The following MACF1 variants were observed in gnomAD, a reference collection of about 807,000 sequenced individuals.
MACF1 encodes microtubule-actin cross-linking factor 1.
In MACF1, 193 loss-of-function variants were observed where a neutral mutation model predicts 854.8. The observed-to-expected ratio is 0.23, with a 90% CI of 0.20 to 0.25. MACF1 has a LOEUF of 0.25. Ranked by LOEUF, MACF1 falls within the 10% of genes least tolerant of loss-of-function variation. The probability of loss-of-function intolerance (pLI) is 1.00; values close to 1 mark genes in which losing one functional copy is unlikely to be tolerated. For missense variants in MACF1, 7,722 were observed against 8,929.1 expected, an observed-to-expected ratio of 0.86 and a Z score of 5.45; for synonymous variants, 3,185 against 3,226.7, an observed-to-expected ratio of 0.99 and a Z score of 0.44.
Position 39,388,641 on chromosome 1 carries a change from C to T in MACF1, c.15799C>T (p.Gln5267Ter). The T allele has an allele frequency of 6.4e-7, 1 of 1,570,868 alleles. No homozygotes were observed. Among genetic ancestry groups the T allele is most frequent in the Non-Finnish European group, 8.6e-7 (1 of 1,161,692 alleles). Reference protein sequence around the residue: ...VGTEVEIINQQLADFKMFQKE... With the variant: ...VGTEVEIINQ Reference sequence around the variant, plus strand: ...GACCGAAGTGGAAATCATCAACCAACAATTAGCAGATTTTAAAGTAAGTCT... The same window carrying T: ...GACCGAAGTGGAAATCATCAACCAATAATTAGCAGATTTTAAAGTAAGTCT... The change falls in exon 58 of 101, where the codon CAA becomes TAA. Residue 5267 changes from glutamine (Q) to a stop codon, truncating the protein, a stop_gained. Transcript: ENST00000564288. LOFTEE classifies it high-confidence loss of function.
At chr1:39,371,288 A>G (rs1196870960) in intron 51 of MACF1, among the ~76,000 whole-genome samples, 1 of 146,624 alleles carries the variant, frequency 6.8e-6, no homozygotes, top group Non-Finnish European at 1.5e-5. Flanking sequence ...ACTGCACTCC[A>G]GCCTGGGTGA....
intron 58 of MACF1, among the ~76,000 whole-genome samples, chr1:39,392,684 A>G (rs1179978124): frequency 6.6e-6 from 1 of 152,202 alleles, no homozygotes; most frequent in Non-Finnish European, 1.5e-5. Flanking sequence ...GGGACTGTAC[A>G]GTCTTGCTGA....
In MACF1 at chr1:39,372,558, T is replaced by C; in HGVS notation, c.13175T>C (p.Ile4392Thr). 8 of 1,613,706 alleles carry C rather than the reference T, an allele frequency of 5.0e-6. No homozygotes were observed. Among genetic ancestry groups the C allele is most frequent in the Non-Finnish European group, 6.8e-6 (8 of 1,179,680 alleles). ...AAAGGTACTTCTTTAGAAAATCTCATCATGGAAATCACAGCACCTGATTCC... is the reference window on the plus strand; with the variant it reads ...AAAGGTACTTCTTTAGAAAATCTCACCATGGAAATCACAGCACCTGATTCC... ...NCKGTSLENL[I>T]MEITAPDSQG... The change falls in exon 52 of 101, where the codon ATC becomes ACC. Residue 4392 changes from isoleucine to threonine, a missense_variant. Around this residue, in one of 15 missense-constraint regions of MACF1, gnomAD observed 2,807 missense variants for 3,235.8 expected, o/e 0.87. Coordinates refer to ENST00000564288, the MANE Select transcript of MACF1 (RefSeq NM_001394062.1).
At chr1:39,107,461 A>G (rs374999118) in intron 2 of MACF1, among the ~76,000 whole-genome samples, 3 of 151,904 alleles carry the variant, frequency 2.0e-5, no homozygotes, top group African/African-American at 7.3e-5. Context: ...TGGTTGCCCA[A>G]AGTAAATTAC....
At position 39,318,480 on chromosome 1, in the gene MACF1, A is replaced by T. The variant is rs1172849278; in HGVS notation, c.3810A>T (p.Glu1270Asp). The T allele has an allele frequency of 2.5e-6, 4 of 1,613,986 alleles. No homozygotes were observed. The South Asian group carries it at 4.4e-5, about 18-fold the overall frequency. The change falls in exon 30 of 101, where the codon GAA (glutamate) becomes GAT (aspartate). Residue 1270 changes from glutamate (E) to aspartate (D), a missense_variant. Glu to Asp is a conservative substitution (Grantham distance 45, BLOSUM62 2). Transcript: ENST00000564288. ...IRQSELESIQ[E>D]VLGDYRACHG... Reference sequence around the variant, plus strand: ...AATCTGAGCTAGAAAGTATCCAGGAAGTTCTGGGAGATTACCGAGCCTGCC... The same window carrying T: ...AATCTGAGCTAGAAAGTATCCAGGATGTTCTGGGAGATTACCGAGCCTGCC...
At chr1:39,300,009 G>A (rs542932946) in intron 21 of MACF1, among the ~76,000 whole-genome samples, 1 of 152,314 alleles carries the variant, frequency 6.6e-6, no homozygotes, top group East Asian at 1.9e-4. Context: ...GTTTGAGTGC[G>A]AAAGCACTTG....
At chr1:39,344,269 A>G (rs1646997067) in intron 40 of MACF1, among the ~76,000 whole-genome samples, 1 of 151,734 alleles carries the variant, frequency 6.6e-6, no homozygotes, top group Non-Finnish European at 1.5e-5. Flanking sequence ...CTCTACTAAA[A>G]AAAATATATA....
At chr1:39,277,640 T>A (rs551157408) in intron 6 of MACF1, among the ~76,000 whole-genome samples, 1 of 152,336 alleles carries the variant, frequency 6.6e-6, no homozygotes, top group South Asian at 2.1e-4. Context: ...TCCACCTTTT[T>A]ACCTGGCCAA....
chr1:39,388,787 C>T, intron 58 of MACF1, 129 bp downstream of exon 58: 1 of 820,788 alleles, frequency 1.2e-6, no homozygotes, highest in East Asian at 2.9e-5. Context: ...ACCATGAAAG[C>T]ACACTGTCTG....
At chr1:39,159,842 G>T (rs1643760829) in intron 2 of MACF1, among the ~76,000 whole-genome samples, 1 of 152,144 alleles carries the variant, frequency 6.6e-6, no homozygotes. Flanking sequence ...GTGGGAGGGG[G>T]TAGAGGGAGG....
chr1:39,258,219 T>G (rs564448645), intron 6 of MACF1, among the ~76,000 whole-genome samples, 191 bp downstream of exon 6: 1 of 152,248 alleles, frequency 6.6e-6, no homozygotes, highest in South Asian at 2.1e-4. Context: ...CAAAACTTCC[T>G]AATTATTTGC....
Position 39,357,792 on chromosome 1 carries a change from G to C in MACF1, c.11842G>C (p.Glu3948Gln). The stretch of plus-strand genomic sequence containing the variant: ...CTCAGGACAGAAAGTCTTGGACATG[G>C]AAAACAGTTTTAAGGAAGGCAAAGA... ...TISGQKVLDM[E>Q]NSFKEGKEPS... Residue 3948 changes from glutamate (E) to glutamine (Q), a missense_variant, in exon 45 of 101, where the codon GAA (glutamate) becomes CAA (glutamine). This residue lies in a region of MACF1 where 2,807 missense variants were observed against 3,235.8 expected (regional missense o/e 0.87). Transcript: ENST00000564288. 6.2e-7 allele frequency: 1 copy of C among 1,614,150 alleles called. No homozygotes were observed.
intron 58 of MACF1, among the ~76,000 whole-genome samples, chr1:39,402,193 A>T (rs1271421160): frequency 1.3e-5 from 2 of 152,226 alleles, no homozygotes; most frequent in African/African-American, 4.8e-5. Context: ...CCTGGGTGAC[A>T]GAGTGAGACT....
upstream of MACF1, among the ~76,000 whole-genome samples, chr1:39,203,208 G>A (rs1425824189): frequency 6.6e-6 from 1 of 152,114 alleles, no homozygotes; most frequent in Non-Finnish European, 1.5e-5. Context: ...AGGTACTTTA[G>A]AAGTAAGTAA....
intron 26 of MACF1, among the ~76,000 whole-genome samples, chr1:39,314,563 T>TCACACA (rs1557582352): frequency 4.6e-5 from 2 of 43,880 alleles, no homozygotes; most frequent in Non-Finnish European, 8.3e-5. Flanking sequence ...TCTCTCTCTC[T>TCACACA]CTCTCTCACA....
intron 43 of MACF1, 23 bp from the exon 44 acceptor site, chr1:39,352,984 T>C: frequency 4.4e-6 from 7 of 1,587,742 alleles, no homozygotes; most frequent in Non-Finnish European, 6.1e-6. Context: ...GCCTTCTCAC[T>C]AGACTACCTC....
intron 52 of MACF1, 137 bp downstream of exon 52, chr1:39,372,733 C>T (rs1649355672): frequency 6.0e-6 from 4 of 663,450 alleles, no homozygotes; most frequent in Non-Finnish European, 8.0e-6. Context: ...GCAGTCTTCC[C>T]CTGCAACCTG....
At chr1:39,393,846 G>GGGGA (rs1642156463) in intron 58 of MACF1, among the ~76,000 whole-genome samples, 2 of 140,738 alleles carry the variant, frequency 1.4e-5, no homozygotes, top group African/African-American at 5.4e-5. Flanking sequence ...AGGGAGGGAG[G>GGGGA]GAGAGAGAGA....
At chr1:39,301,141 A>G (rs867391580) in intron 22 of MACF1, among the ~76,000 whole-genome samples, 1 of 152,000 alleles carries the variant, frequency 6.6e-6, no homozygotes, top group African/African-American at 2.4e-5. Context: ...TTATTTATTT[A>G]TTTGAGATGA....
Sources: gnomAD v4.1 joint callset for allele counts (sites outside exome capture counted in the v4.1 genomes callset) on GRCh38, gnomAD v4.1.1 for gene constraint, gnomAD v4.1.1 regional missense constraint, MANE v1.5 for transcripts, NCBI Gene and HGNC (gene_info 2026-07-23, HGNC 2026-07-21) for gene names.